The following NUSAP1 variants were observed in gnomAD, a reference collection of about 807,000 sequenced individuals.
NUSAP1 encodes the protein nucleolar and spindle-associated protein 1.
A neutral mutation model predicts 52.8 loss-of-function variants in NUSAP1; 32 were observed. That is an observed-to-expected ratio of 0.61 (90% confidence interval 0.46 to 0.81). The LOEUF is 0.81. Among genes scored for constraint, NUSAP1 ranks in the 40% least tolerant of loss-of-function variants. The pLI is 0.00. For synonymous variants in NUSAP1, 195 were observed against 183.1 expected, an observed-to-expected ratio of 1.06 and a Z score of -0.52; for missense variants, 499 against 522.3, an observed-to-expected ratio of 0.96 and a Z score of 0.43.
chr15:41,370,347 C>T (rs556147005), intron 7 of NUSAP1, among the ~76,000 whole-genome samples: 3 of 151,692 alleles, frequency 2.0e-5, no homozygotes, highest in Non-Finnish European at 2.9e-5. Context: ...GCACCACTGC[C>T]CTCCAGCCTG....
At chr15:41,367,663 T>C (rs1203002797) in intron 7 of NUSAP1, among the ~76,000 whole-genome samples, 2 of 151,564 alleles carry the variant, frequency 1.3e-5, no homozygotes, top group African/African-American at 4.9e-5. Context: ...TTGGGTATTA[T>C]TAGACTTGGG....
Position 41,371,577 on chromosome 15 carries a change from C to T in NUSAP1, c.899C>T (p.Thr300Ile). Residue 300 changes from threonine (T) to isoleucine (I), a missense_variant, in exon 8 of 11, where the codon ACT becomes ATT. Thr to Ile is a moderately conservative substitution (Grantham distance 89). Coordinates refer to ENST00000559596, the MANE Select transcript of NUSAP1 (RefSeq NM_016359.5). ...GAGCATAAGCGTTCACTGACCAAGA[C>T]TCCAGCCAGAAAGTCTGCACATGTG... is the stretch of plus-strand genomic sequence containing the variant. ...DNEHKRSLTK[T>I]PARKSAHVTV... 1 of 1,611,578 alleles carries T rather than the reference C, an allele frequency of 6.2e-7. No individual in the cohort carries two copies. Among genetic ancestry groups the T allele is most frequent in the Non-Finnish European group, 8.5e-7 (1 of 1,179,272 alleles).
At chr15:41,344,983 A>G (rs895111891) in intron 2 of NUSAP1, among the ~76,000 whole-genome samples, 1 of 152,010 alleles carries the variant, frequency 6.6e-6, no homozygotes, top group Non-Finnish European at 1.5e-5. Flanking sequence ...TTTTGCACCA[A>G]CCTAATACAT....
At chr15:41,359,468 C>G (rs2049087315) in intron 6 of NUSAP1, among the ~76,000 whole-genome samples, 1 of 152,092 alleles carries the variant, frequency 6.6e-6, no homozygotes, top group South Asian at 2.1e-4. Context: ...AGTCACTCAG[C>G]TGAGTTTAAG....
chr15:41,379,736 G>A (rs972316207), intron 10 of NUSAP1, among the ~76,000 whole-genome samples: 3 of 151,832 alleles, frequency 2.0e-5, no homozygotes, highest in African/African-American at 4.8e-5. Context: ...TAGTAGAGAC[G>A]GGGTTTCACC....
At chr15:41,334,791 T>G (rs1595514713) in intron 1 of NUSAP1, among the ~76,000 whole-genome samples, 1 of 151,534 alleles carries the variant, frequency 6.6e-6, no homozygotes, top group African/African-American at 2.4e-5. Flanking sequence ...CAAGCGATCC[T>G]CCCGCCACGG....
At chr15:41,366,352 G>A (rs574845226) in intron 7 of NUSAP1, among the ~76,000 whole-genome samples, 2 of 146,324 alleles carry the variant, frequency 1.4e-5, no homozygotes, top group Admixed American at 7.0e-5. Context: ...GTGCAGTGAC[G>A]AGATCTTGAC....
chr15:41,353,942 A>ATG (rs1401001193), intron 4 of NUSAP1, among the ~76,000 whole-genome samples: 2 of 151,924 alleles, frequency 1.3e-5, no homozygotes, highest in African/African-American at 4.8e-5. Flanking sequence ...TCTGCCTGGA[A>ATG]TGGTTCTTTT....
Position 41,380,774 on chromosome 15 carries a change from A to G in NUSAP1, c.*588A>G, listed in dbSNP as rs1237273115. On this transcript the variant is annotated 3_prime_UTR_variant, in exon 11 of 11. Coordinates refer to ENST00000559596, the MANE Select transcript of NUSAP1 (RefSeq NM_016359.5). Reference sequence around the variant, plus strand: ...CCATCTGTCACTCACTATATTCACAAAAATAAAACTCTACAACTCATTCTA... The same window carrying G: ...CCATCTGTCACTCACTATATTCACAGAAATAAAACTCTACAACTCATTCTA... 6.6e-6 allele frequency: 1 copy of G among 152,284 alleles called. No homozygotes were observed. Among genetic ancestry groups the G allele is most frequent in the East Asian group, 1.9e-4 (1 of 5,206 alleles). The allele number at this position is 152,284 out of a possible 1,614,324, so 9.4% of individuals were successfully genotyped here.
At chr15:41,365,297 T>A in intron 6 of NUSAP1, 105 bp from the exon 7 acceptor site, 1 of 875,808 alleles carries the variant, frequency 1.1e-6, no homozygotes. Flanking sequence ...GCTGGGACTA[T>A]AGGCACATGC....
chr15:41,333,104 CG>C (rs1567032828), intron 1 of NUSAP1, 54 bp downstream of exon 1: 1 of 1,360,366 alleles, frequency 7.4e-7, no homozygotes, highest in Non-Finnish European at 1.0e-6. Context: ...ATAGCGGCCT[CG>C]GGGAGATGCG....
intron 1 of NUSAP1, among the ~76,000 whole-genome samples, chr15:41,336,999 CTTT>C (rs201223527): frequency 3.0e-5 from 2 of 65,786 alleles, no homozygotes; most frequent in African/African-American, 7.2e-5. Flanking sequence ...CTTTCCTTTT[CTTT>C]TTTTTTTTTT....
At chr15:41,379,390 G>A (rs375092903) in intron 10 of NUSAP1, among the ~76,000 whole-genome samples, 3 of 151,792 alleles carry the variant, frequency 2.0e-5, no homozygotes, top group South Asian at 2.1e-4. Context: ...TTGAACTCCT[G>A]GGCACAAGGG....
rs754770792 is a variant in NUSAP1 at position 41,371,647 on chromosome 15, A to C, written c.969A>C (p.Thr323=). 1.3e-6 allele frequency: 2 copies of C among 1,596,696 alleles called. No individual in the cohort carries two copies. Among genetic ancestry groups the C allele is most frequent in the South Asian group, 2.3e-5 (2 of 87,828 alleles). The change falls in exon 8 of 11, where the codon ACA becomes ACC. Residue 323 remains threonine (T), a synonymous_variant. Transcript: ENST00000559596. ...CAAAAGGCGAGGCTGTGCTTGGGACACACAAATTAAAGACCATCACGGGGA... is the reference window on the plus strand; with the variant it reads ...CAAAAGGCGAGGCTGTGCTTGGGACCCACAAATTAAAGACCATCACGGGGA... ...GTPKGEAVLG[T]HKLKTITGNS...
chr15:41,343,326 G>GC (rs1422900346), intron 2 of NUSAP1: 1 of 152,140 alleles, frequency 6.6e-6, no homozygotes, highest in African/African-American at 2.4e-5. Context: ...ATGAATGAGT[G>GC]CCCCATTAGA....
chr15:41,350,014 A>G (rs2048723082), intron 3 of NUSAP1, among the ~76,000 whole-genome samples: 2 of 151,714 alleles, frequency 1.3e-5, no homozygotes, highest in African/African-American at 4.8e-5. Flanking sequence ...TGCTCTACCC[A>G]CCTCGGCCTC....
At position 41,350,227 on chromosome 15, in the gene NUSAP1, G is replaced by A. The variant is rs530969602; in HGVS notation, c.307-761G>A. Among the ~76,000 whole-genome samples the A allele has an allele frequency of 4.6e-5, 7 of 152,202 alleles. No individual in the cohort carries two copies. In the South Asian group the frequency reaches 1.2e-3, roughly 27 times the overall value. ...CTGAGCCTTGAACAAAGACTGAGCG[G>A]GTTTTTATAAGTGGCTTTACAGAAG... On this transcript the variant is annotated intron_variant, in intron 3 of 10. Coordinates refer to ENST00000559596, the MANE Select transcript of NUSAP1 (RefSeq NM_016359.5).
chr15:41,341,906 T>C (rs1020252314), intron 1 of NUSAP1, among the ~76,000 whole-genome samples: 2 of 152,246 alleles, frequency 1.3e-5, no homozygotes, highest in African/African-American at 4.8e-5. Flanking sequence ...TGTCTCTTAC[T>C]ATCTCCTACA....
chr15:41,361,666 C>T (rs1380167783), intron 6 of NUSAP1, among the ~76,000 whole-genome samples: 5 of 152,116 alleles, frequency 3.3e-5, no homozygotes, highest in Non-Finnish European at 7.3e-5. Flanking sequence ...CAACCATAAA[C>T]GTTGAGTATT....
Sources: gnomAD v4.1 joint callset for allele counts (sites outside exome capture counted in the v4.1 genomes callset) on GRCh38, gnomAD v4.1.1 for gene constraint, MANE v1.5 for transcripts, NCBI Gene and HGNC (gene_info 2026-07-23, HGNC 2026-07-21) for gene names.